The following ASTN2 variants were observed in gnomAD, a reference collection of about 807,000 sequenced individuals.
ASTN2 encodes astrotactin 2, also known as astrotactin-2.
In ASTN2, 54 loss-of-function variants were observed where a neutral mutation model predicts 139.8. The observed-to-expected ratio is 0.39, with a 90% CI of 0.31 to 0.48. The LOEUF is 0.48. Ranked by LOEUF, ASTN2 falls within the 20% of genes least tolerant of loss-of-function variation. ASTN2 has a pLI of 0.95. For synonymous variants in ASTN2, 756 were observed against 719.5 expected, an observed-to-expected ratio of 1.05 and a Z score of -0.81; for missense variants, 1,565 against 1,725.1, an observed-to-expected ratio of 0.91 and a Z score of 1.64.
chr9:116,812,437 G>A lies in ASTN2; in HGVS notation c.2208-6617C>T, dbSNP rs183732223. On this transcript the variant is annotated intron_variant, in intron 12 of 22. Transcript: ENST00000313400. The stretch of plus-strand genomic sequence containing the variant: ...GAGAATAAGAGGGGAGCAGAGTAAC[G>A]GACCATGAGTCAATGAATGCAGATG... Among the ~76,000 whole-genome samples the A allele has an allele frequency of 3.3e-3, 509 of 152,240 alleles. 2 individuals carry two copies. Among genetic ancestry groups the A allele is most frequent in the Non-Finnish European group, 4.9e-3 (332 of 68,014 alleles).
At chr9:116,732,709 G>A (rs1273389615) in intron 14 of ASTN2, among the ~76,000 whole-genome samples, 1 of 152,188 alleles carries the variant, frequency 6.6e-6, no homozygotes, top group Non-Finnish European at 1.5e-5. Flanking sequence ...GGAGTCTCAG[G>A]AAAGCCTGCA....
At chr9:117,144,657 C>G (rs867227241) in intron 3 of ASTN2, among the ~76,000 whole-genome samples, 6 of 112,054 alleles carry the variant, frequency 5.4e-5, no homozygotes, top group East Asian at 2.8e-4. Flanking sequence ...GGAGTGAACA[C>G]TAGTTTTTTT....
chr9:117,052,070 T>C (rs558159405), intron 5 of ASTN2, among the ~76,000 whole-genome samples: 23 of 152,260 alleles, frequency 1.5e-4, no homozygotes, highest in Middle Eastern at 3.4e-3. Flanking sequence ...TCTGTCATGC[T>C]TTGGTTGACC....
intron 13 of ASTN2, among the ~76,000 whole-genome samples, chr9:116,746,900 A>G (rs191143859): frequency 3.9e-5 from 6 of 152,326 alleles, no homozygotes; most frequent in Admixed American, 3.9e-4. Flanking sequence ...TGTCTGATGC[A>G]TGCACTAGGG....
chr9:116,930,557 G>A (rs1375516638), intron 10 of ASTN2, among the ~76,000 whole-genome samples: 1 of 152,114 alleles, frequency 6.6e-6, no homozygotes, highest in Non-Finnish European at 1.5e-5. Context: ...TTATGCTGGT[G>A]TGGATTGAGA....
chr9:117,205,492 AC>A (rs1331494764), intron 3 of ASTN2, among the ~76,000 whole-genome samples: 1 of 152,150 alleles, frequency 6.6e-6, no homozygotes, highest in Non-Finnish European at 1.5e-5. Context: ...CAAGATTTGA[AC>A]CCAGGTCCAG....
At chr9:116,992,505 C>T (rs779441908) in intron 7 of ASTN2, among the ~76,000 whole-genome samples, 6 of 152,144 alleles carry the variant, frequency 3.9e-5, no homozygotes, top group Non-Finnish European at 5.9e-5. Context: ...AAAATGAGTG[C>T]CTCCTTGAAG....
chr9:116,653,914 G>A (rs186007896), intron 16 of ASTN2, among the ~76,000 whole-genome samples: 10 of 152,292 alleles, frequency 6.6e-5, no homozygotes, highest in Non-Finnish European at 1.3e-4. Context: ...CCTTCACAGG[G>A]ATTAAAGAAG....
chr9:116,448,760 T>C (rs1361700276), intron 20 of ASTN2, among the ~76,000 whole-genome samples: 4 of 152,224 alleles, frequency 2.6e-5, no homozygotes, highest in Admixed American at 6.5e-5. Flanking sequence ...TCCCTACCCA[T>C]AGTTTAGGTT....
chr9:117,173,905 T>C (rs935727283), intron 3 of ASTN2, among the ~76,000 whole-genome samples: 2 of 151,794 alleles, frequency 1.3e-5, no homozygotes, highest in African/African-American at 4.8e-5. Flanking sequence ...GAGCAAAGTT[T>C]TTTTAAACCT....
chr9:116,480,215 A>C (rs768100762), intron 20 of ASTN2, among the ~76,000 whole-genome samples: 1 of 152,000 alleles, frequency 6.6e-6, no homozygotes, highest in Non-Finnish European at 1.5e-5. Flanking sequence ...AGGGAAGTGG[A>C]AAGAAGGAGG....
chr9:117,220,188 C>T (rs1832468031), intron 2 of ASTN2, among the ~76,000 whole-genome samples: 1 of 152,156 alleles, frequency 6.6e-6, no homozygotes, highest in South Asian at 2.1e-4. Flanking sequence ...CACCCCAGTT[C>T]CCCTTGCTTA....
intron 3 of ASTN2, among the ~76,000 whole-genome samples, chr9:117,147,592 C>T (rs1830229936): frequency 6.6e-6 from 1 of 152,190 alleles, no homozygotes; most frequent in Non-Finnish European, 1.5e-5. Context: ...CAGACATCAT[C>T]AGTCTGTGAC....
At chr9:117,024,411 T>C (rs1315803198) in intron 6 of ASTN2, among the ~76,000 whole-genome samples, 2 of 142,480 alleles carry the variant, frequency 1.4e-5, no homozygotes, top group Admixed American at 6.8e-5. Flanking sequence ...GAATTGTTTT[T>C]TTTTAAAAAG....
chr9:116,840,511 C>CG lies in ASTN2; in HGVS notation c.2041-19729_2041-19728insC, dbSNP rs1480207608. Reference sequence around the variant, plus strand: ...GCGGCTGGCCGGACGGGGGGCTGACCCCCCCCACCTCCCTCCTGGACGGGG... The same window carrying CG: ...GCGGCTGGCCGGACGGGGGGCTGACCGCCCCCCACCTCCCTCCTGGACGGGG... On this transcript the variant is annotated intron_variant, in intron 11 of 22. Transcript: ENST00000313400. 5.3e-3 allele frequency among the ~76,000 whole-genome samples: 203 copies of CG among 38,518 alleles called. 2 individuals are homozygous for CG. Among genetic ancestry groups the CG allele is most frequent in the African/African-American group, 0.016 (148 of 9,174 alleles). The allele number at this position is 38,518 out of a possible 152,430, so 25.3% of individuals were successfully genotyped here. A position where few individuals can be genotyped will look rare whatever the true frequency, so the allele number is the denominator to read the frequency against.
intron 4 of ASTN2, among the ~76,000 whole-genome samples, chr9:117,104,794 T>C (rs1424409380): frequency 6.6e-6 from 1 of 152,178 alleles, no homozygotes; most frequent in Non-Finnish European, 1.5e-5. Flanking sequence ...AGATACCTAA[T>C]AAAAGCTTTG....
intron 22 of ASTN2, among the ~76,000 whole-genome samples, chr9:116,436,580 CTAAATCTAGTAA>C (rs1320204091): frequency 3.9e-5 from 6 of 152,066 alleles, no homozygotes; most frequent in African/African-American, 1.4e-4. Context: ...ATATAAGATT[CTAAATCTAGTAA>C]GTGCAGGAAA....
chr9:116,895,119 A>G (rs2132394870), intron 10 of ASTN2, among the ~76,000 whole-genome samples: 1 of 152,318 alleles, frequency 6.6e-6, no homozygotes, highest in South Asian at 2.1e-4. Context: ...AAAATTGGAA[A>G]CTTTTTGAGT....
intron 13 of ASTN2, among the ~76,000 whole-genome samples, chr9:116,777,853 T>C (rs1830122211): frequency 1.2e-5 from 1 of 83,994 alleles, no homozygotes; most frequent in Admixed American, 1.6e-4. Context: ...TTGTTTTTTG[T>C]TTTGTTTTGT....
Sources: gnomAD v4.1 joint callset for allele counts (sites outside exome capture counted in the v4.1 genomes callset) on GRCh38, gnomAD v4.1.1 for gene constraint, MANE v1.5 for transcripts, NCBI Gene and HGNC (gene_info 2026-07-23, HGNC 2026-07-21) for gene names.